QKI: variants seen among roughly 807,000 people sequenced by gnomAD.
QKI encodes the protein KH domain-containing RNA-binding protein QKI.
Under a neutral mutation model 39.0 loss-of-function variants are expected in QKI, and 10 were observed. The observed-to-expected ratio is 0.26, with a 90% CI of 0.16 to 0.43. The LOEUF is 0.43. QKI is among the 20% of genes least tolerant of loss of function. The pLI, the probability that QKI is intolerant of heterozygous loss-of-function variation, is 1.00. For synonymous variants in QKI, 204 were observed against 155.4 expected (o/e 1.31, Z -2.33); for missense variants, 218 against 428.0 (o/e 0.51, Z 4.33).
intron 1 of QKI, among the ~76,000 whole-genome samples, chr6:163,415,688 C>G (rs1169882856): frequency 3.3e-5 from 5 of 151,774 alleles, no homozygotes; most frequent in Non-Finnish European, 5.9e-5. Context: ...GTGGTCCTCG[C>G]CGAGCCCTCC....
chr6:163,417,294 T>G (rs1213623287), intron 1 of QKI, among the ~76,000 whole-genome samples: 6 of 152,102 alleles, frequency 3.9e-5, no homozygotes, highest in Non-Finnish European at 8.8e-5. Context: ...GAATCCTTTA[T>G]CGACGATAAA....
At chr6:163,441,259 T>C (rs1406183322) in intron 1 of QKI, among the ~76,000 whole-genome samples, 1 of 152,180 alleles carries the variant, frequency 6.6e-6, no homozygotes, top group Non-Finnish European at 1.5e-5. Context: ...GTTCTAAACT[T>C]CTCAAGTCCA....
intron 1 of QKI, among the ~76,000 whole-genome samples, chr6:163,453,222 C>T (rs983635260): frequency 6.6e-6 from 1 of 151,500 alleles, no homozygotes; most frequent in Non-Finnish European, 1.5e-5. Flanking sequence ...TATTCTTGCA[C>T]TCAGGGTATA....
At chr6:163,568,705 T>C (rs565307976) in intron 7 of QKI, 45 of 985,368 alleles carry the variant, frequency 4.6e-5, no homozygotes, top group African/African-American at 4.0e-4. Flanking sequence ...ACTCAGCCCT[T>C]GGACATATAA....
At chr6:163,495,639 C>T (rs891869784) in intron 3 of QKI, among the ~76,000 whole-genome samples, 10 of 152,086 alleles carry the variant, frequency 6.6e-5, no homozygotes, top group Non-Finnish European at 1.5e-4. Flanking sequence ...GTTGTAAGTT[C>T]TTTCTGATTC....
At chr6:163,421,213 T>C (rs1414918179) in intron 1 of QKI, among the ~76,000 whole-genome samples, 2 of 152,230 alleles carry the variant, frequency 1.3e-5, no homozygotes, top group South Asian at 2.1e-4. Flanking sequence ...CTTAAAAACA[T>C]GTCATGTTAT....
Position 163,502,353 on chromosome 6 carries a change from A to AAT in QKI, c.402+23468_402+23469dup, listed in dbSNP as rs1264198214. ...AAAACAAAACAAACAAACAAACAAA[A>AAT]ATATATATATATGTATATTCTTAAT... On this transcript the variant is annotated intron_variant, in intron 3 of 7. Transcript: ENST00000361752. Among the ~76,000 whole-genome samples the AAT allele has an allele frequency of 1.6e-4, 24 of 151,920 alleles. 1 individual carries two copies. Among genetic ancestry groups the AAT allele is most frequent in the African/African-American group, 2.7e-4 (11 of 41,426 alleles).
intron 1 of QKI, among the ~76,000 whole-genome samples, chr6:163,450,750 G>C (rs1790502031): frequency 6.6e-6 from 1 of 151,604 alleles, no homozygotes; most frequent in Non-Finnish European, 1.5e-5. Flanking sequence ...AAAAAAAAAA[G>C]TAAATTCAAA....
chr6:163,434,773 T>A (rs1048058905), intron 1 of QKI, among the ~76,000 whole-genome samples: 1 of 152,048 alleles, frequency 6.6e-6, no homozygotes, highest in Non-Finnish European at 1.5e-5. Flanking sequence ...AAAAATTAAA[T>A]TTTACAAATG....
intron 1 of QKI, among the ~76,000 whole-genome samples, chr6:163,441,414 G>C (rs540739844): frequency 1.3e-5 from 2 of 152,266 alleles, no homozygotes; most frequent in East Asian, 1.9e-4. Context: ...GGAGCTTTGC[G>C]TGTTTTTGTG....
chr6:163,570,515 T>G (rs1783641951), intron 7 of QKI, 179 bp from the exon 8 acceptor site: 1 of 984,894 alleles, frequency 1.0e-6, no homozygotes, highest in Non-Finnish European at 1.2e-6. Context: ...TTGTCATGAT[T>G]TTAATTGTAT....
chr6:163,459,437 C>T (rs928233671), intron 2 of QKI, among the ~76,000 whole-genome samples: 4 of 152,082 alleles, frequency 2.6e-5, no homozygotes, highest in Non-Finnish European at 4.4e-5. Context: ...AGTCAGCCTC[C>T]GTGCACCTCC....
At chr6:163,472,951 C>T (rs181497156) in intron 2 of QKI, among the ~76,000 whole-genome samples, 5 of 150,516 alleles carry the variant, frequency 3.3e-5, no homozygotes, top group South Asian at 4.2e-4. Context: ...GCAGATTAAA[C>T]GAAGGAAGGG....
At chr6:163,494,746 A>G (rs908533207) in intron 3 of QKI, among the ~76,000 whole-genome samples, 3 of 151,784 alleles carry the variant, frequency 2.0e-5, no homozygotes, top group African/African-American at 7.3e-5. Context: ...TCCCTCAAGC[A>G]TAGTGCTGAG....
chr6:163,438,058 T>C (rs566384583), intron 1 of QKI, among the ~76,000 whole-genome samples: 1 of 152,292 alleles, frequency 6.6e-6, no homozygotes, highest in Non-Finnish European at 1.5e-5. Context: ...TAAAAATGAG[T>C]TGGGAAAATT....
At chr6:163,501,165 A>C (rs932931150) in intron 3 of QKI, among the ~76,000 whole-genome samples, 3 of 152,232 alleles carry the variant, frequency 2.0e-5, no homozygotes, top group Middle Eastern at 3.4e-3. Flanking sequence ...CAGATGGATA[A>C]TGTGAATTAA....
intron 7 of QKI, 183 bp downstream of exon 7, chr6:163,566,978 T>A (rs1783401928): frequency 1.8e-5 from 25 of 1,368,508 alleles, no homozygotes; most frequent in Non-Finnish European, 2.3e-5. Context: ...TTTGGTTTTT[T>A]CTCCCTTCAT....
intron 4 of QKI, among the ~76,000 whole-genome samples, chr6:163,540,060 A>G (rs1458367317): frequency 6.6e-6 from 1 of 150,610 alleles, no homozygotes; most frequent in African/African-American, 2.5e-5. Flanking sequence ...TTTTTTTTTT[A>G]AATGGGAAAT....
At chr6:163,472,498 G>A (rs1245840426) in intron 2 of QKI, among the ~76,000 whole-genome samples, 1 of 152,140 alleles carries the variant, frequency 6.6e-6, no homozygotes, top group East Asian at 1.9e-4. Flanking sequence ...TTGTTTAAGG[G>A]TTGGTTGTAA....
Sources: allele counts gnomAD v4.1 joint callset (sites outside exome capture counted in the v4.1 genomes callset), GRCh38; gene constraint gnomAD v4.1.1; transcripts MANE v1.5; gene names NCBI Gene and HGNC (gene_info 2026-07-23, HGNC 2026-07-21).